The following GRM7 variants were observed in gnomAD, a reference collection of about 807,000 sequenced individuals.
The protein encoded by GRM7 is metabotropic glutamate receptor 7.
GRM7 carries 35 observed loss-of-function variants against 84.5 expected under a neutral mutation model. The observed-to-expected ratio is 0.41, with a 90% CI of 0.32 to 0.55. GRM7 has a LOEUF of 0.55. GRM7 is among the 20% of genes least tolerant of loss of function. The pLI, the probability that GRM7 is intolerant of heterozygous loss-of-function variation, is 0.19. For synonymous variants in GRM7, 487 were observed against 455.1 expected (o/e 1.07, Z -0.89); for missense variants, 1,003 against 1,194.6 (o/e 0.84, Z 2.36).
At chr3:7,636,363 T>A (rs888489928) in intron 8 of GRM7, 2 of 452,452 alleles carry the variant, frequency 4.4e-6, no homozygotes, top group Non-Finnish European at 8.9e-6. Context: ...CCTATTTATT[T>A]TCCTGAGCAT....
chr3:7,410,598 T>TAC (rs35513247), intron 4 of GRM7, among the ~76,000 whole-genome samples: 25,054 of 142,420 alleles, frequency 0.18, 2,366 homozygotes, highest in African/African-American at 0.27. Context: ...TATATATATA[T>TAC]ACACACACAC....
chr3:7,186,737 T>G (rs1168014988), intron 2 of GRM7, among the ~76,000 whole-genome samples: 1 of 152,208 alleles, frequency 6.6e-6, no homozygotes, highest in African/African-American at 2.4e-5. Context: ...CTGGTGTAAT[T>G]ATAGTCTCCC....
chr3:7,089,114 CT>C (rs1698569169), intron 1 of GRM7, among the ~76,000 whole-genome samples: 1 of 152,108 alleles, frequency 6.6e-6, no homozygotes, highest in Non-Finnish European at 1.5e-5. Context: ...AAAAGTATCT[CT>C]TTTGGAAAAT....
At position 7,146,659 on chromosome 3, in the gene GRM7, A is replaced by G. The variant is rs746971129; in HGVS notation, c.727A>G (p.Lys243Glu). ...KGVESFTQISKEAGGLCIAQS... is the reference protein window; with the variant it reads ...KGVESFTQISEEAGGLCIAQS... ...TGTGGAGTCCTTCACGCAGATTTCC[A>G]AAGAGGCAGGTAGGATGAGATTGCT... Residue 243 changes from lysine (K) to glutamate (E), a missense_variant, in exon 2 of 10, where the codon AAA becomes GAA. Coordinates refer to ENST00000357716, the MANE Select transcript of GRM7 (RefSeq NM_000844.4). The G allele has an allele frequency of 6.2e-7, 1 of 1,611,208 alleles. No individual in the cohort carries two copies. Among genetic ancestry groups the G allele is most frequent in the Non-Finnish European group, 8.5e-7 (1 of 1,178,992 alleles).
chr3:6,864,672 A>C (rs1226958851), intron 1 of GRM7, among the ~76,000 whole-genome samples: 1 of 152,134 alleles, frequency 6.6e-6, no homozygotes, highest in Non-Finnish European at 1.5e-5. Context: ...CAAACCGATC[A>C]CTTGAGATAT....
At chr3:7,291,903 A>G (rs1699643177) in intron 2 of GRM7, among the ~76,000 whole-genome samples, 1 of 152,150 alleles carries the variant, frequency 6.6e-6, no homozygotes, top group Admixed American at 6.5e-5. Context: ...TCATGGGGGC[A>G]GTTCCCCCAT....
intron 1 of GRM7, among the ~76,000 whole-genome samples, chr3:6,887,683 A>G (rs1695754265): frequency 6.6e-6 from 1 of 152,164 alleles, no homozygotes; most frequent in African/African-American, 2.4e-5. Flanking sequence ...GAGTGCTGCA[A>G]TAAACATACG....
chr3:7,662,799 A>C (rs140659158), intron 8 of GRM7, among the ~76,000 whole-genome samples: 1 of 152,232 alleles, frequency 6.6e-6, no homozygotes, highest in East Asian at 1.9e-4. Context: ...TTTCTGAAAA[A>C]TTTTTAAGTA....
chr3:7,004,417 A>T (rs1326674167), intron 1 of GRM7, among the ~76,000 whole-genome samples: 2 of 152,204 alleles, frequency 1.3e-5, no homozygotes, highest in Admixed American at 1.3e-4. Context: ...TATTAGGACA[A>T]ATATGAATTG....
intron 1 of GRM7, among the ~76,000 whole-genome samples, chr3:6,901,604 T>TTAAAA (rs1696385499): frequency 2.5e-5 from 1 of 40,494 alleles, no homozygotes; most frequent in Non-Finnish European, 4.3e-5. Context: ...AGACTCCGTC[T>TTAAAA]AAAAAAAAAA....
chr3:7,225,985 A>G (rs1306777163), intron 2 of GRM7, among the ~76,000 whole-genome samples: 1 of 152,186 alleles, frequency 6.6e-6, no homozygotes, highest in Non-Finnish European at 1.5e-5. Flanking sequence ...TGAAATAAAG[A>G]ACATTAGTCC....
chr3:7,226,643 G>A (rs993634533), intron 2 of GRM7, among the ~76,000 whole-genome samples: 1 of 152,082 alleles, frequency 6.6e-6, no homozygotes, highest in Non-Finnish European at 1.5e-5. Flanking sequence ...GACTTACAGG[G>A]CCACCTTAGG....
At chr3:7,364,849 A>G (rs1329961713) in intron 4 of GRM7, among the ~76,000 whole-genome samples, 1 of 152,050 alleles carries the variant, frequency 6.6e-6, no homozygotes, top group East Asian at 1.9e-4. Context: ...GTTTATAGCT[A>G]TGTTAATTTA....
intron 4 of GRM7, among the ~76,000 whole-genome samples, chr3:7,338,147 A>T (rs1041268275): frequency 7.1e-6 from 1 of 140,500 alleles, no homozygotes; most frequent in African/African-American, 2.8e-5. Flanking sequence ...CACACACCCC[A>T]TGGAATACTA....
intron 1 of GRM7, among the ~76,000 whole-genome samples, chr3:7,124,694 A>G (rs1236275725): frequency 6.6e-6 from 1 of 152,192 alleles, no homozygotes; most frequent in Non-Finnish European, 1.5e-5. Flanking sequence ...GAGGTGATTC[A>G]GTCATTTATT....
intron 2 of GRM7, among the ~76,000 whole-genome samples, chr3:7,281,519 G>A (rs1045222199): frequency 3.9e-5 from 6 of 152,154 alleles, no homozygotes; most frequent in African/African-American, 1.2e-4. Flanking sequence ...CTATTTCAAT[G>A]ATCATTTATC....
At chr3:7,325,390 A>G (rs1700943915) in intron 4 of GRM7, among the ~76,000 whole-genome samples, 1 of 152,204 alleles carries the variant, frequency 6.6e-6, no homozygotes, top group Non-Finnish European at 1.5e-5. Context: ...TGCTGGGTGA[A>G]CTTACTAAAA....
At chr3:7,393,044 G>A (rs1281246523) in intron 4 of GRM7, among the ~76,000 whole-genome samples, 1 of 152,114 alleles carries the variant, frequency 6.6e-6, no homozygotes, top group African/African-American at 2.4e-5. Context: ...AGAGAGGGCA[G>A]GCTACCACTC....
chr3:7,735,183 G>A (rs753528787), intron 9 of GRM7, among the ~76,000 whole-genome samples: 5 of 152,164 alleles, frequency 3.3e-5, no homozygotes, highest in Admixed American at 6.5e-5. Context: ...AGAGTTGGTG[G>A]GGGAAGAGGC....
Sources: allele counts gnomAD v4.1 joint callset (sites outside exome capture counted in the v4.1 genomes callset), GRCh38; gene constraint gnomAD v4.1.1; transcripts MANE v1.5; gene names NCBI Gene and HGNC (gene_info 2026-07-23, HGNC 2026-07-21).